Variants in FHIT observed in about 807,000 individuals in gnomAD.
The protein encoded by FHIT is bis(5'-adenosyl)-triphosphatase.
Under a neutral mutation model 17.9 loss-of-function variants are expected in FHIT, and 19 were observed. That is an observed-to-expected ratio of 1.06 (90% CI 0.74 to 1.56). The LOEUF is 1.56. Ranked by LOEUF, FHIT falls within the 40% of genes most tolerant of loss-of-function variation. The pLI, the probability that FHIT is intolerant of heterozygous loss-of-function variation, is 0.00. For synonymous variants in FHIT, 81 were observed against 69.7 expected (o/e 1.16, Z -0.81); for missense variants, 248 against 189.2 (o/e 1.31, Z -1.82).
At chr3:60,072,109 G>A (rs562191553) in intron 5 of FHIT, among the ~76,000 whole-genome samples, 1 of 152,206 alleles carries the variant, frequency 6.6e-6, no homozygotes, top group Non-Finnish European at 1.5e-5. Flanking sequence ...AGGTAGGAAG[G>A]AAAGACAAAG....
At chr3:59,920,926 CAG>C (rs1442246465) in intron 8 of FHIT, among the ~76,000 whole-genome samples, 6 of 152,168 alleles carry the variant, frequency 3.9e-5, no homozygotes, top group Non-Finnish European at 8.8e-5. Context: ...AGTCATGCAT[CAG>C]AGTCTCCTGG....
At chr3:60,070,922 T>A (rs2630195) in intron 5 of FHIT, among the ~76,000 whole-genome samples, 7,581 of 152,308 alleles carry the variant, frequency 0.05, 248 homozygotes, top group South Asian at 0.075. Flanking sequence ...AGGCAGCAAT[T>A]CCTACAGGTC....
At chr3:59,879,042 A>T (rs1703290603) in intron 8 of FHIT, among the ~76,000 whole-genome samples, 1 of 152,182 alleles carries the variant, frequency 6.6e-6, no homozygotes, top group African/African-American at 2.4e-5. Flanking sequence ...GAAAGGGCAC[A>T]TTCTATCCAA....
At chr3:60,131,467 T>G (rs926880717) in intron 5 of FHIT, among the ~76,000 whole-genome samples, 3 of 152,204 alleles carry the variant, frequency 2.0e-5, no homozygotes, top group African/African-American at 7.2e-5. Context: ...AATCTCACAC[T>G]TTCAAGTAAC....
intron 5 of FHIT, among the ~76,000 whole-genome samples, chr3:60,381,751 GTTT>G (rs1240609587): frequency 6.6e-6 from 1 of 150,808 alleles, no homozygotes; most frequent in Admixed American, 6.6e-5. Flanking sequence ...TTCCTTTTTT[GTTT>G]TTTTTCTCCT....
At chr3:60,952,389 T>C (rs561105399) in intron 3 of FHIT, among the ~76,000 whole-genome samples, 1 of 152,278 alleles carries the variant, frequency 6.6e-6, no homozygotes, top group Admixed American at 6.5e-5. Context: ...TGTTCTGGTG[T>C]CTGTGTAGTC....
chr3:59,896,974 G>A (rs1407034114), intron 8 of FHIT, among the ~76,000 whole-genome samples: 1 of 152,164 alleles, frequency 6.6e-6, no homozygotes, highest in African/African-American at 2.4e-5. Context: ...AGCATGTAGA[G>A]TCAAGCAAAG....
intron 5 of FHIT, among the ~76,000 whole-genome samples, chr3:60,399,170 C>A (rs1371511629): frequency 1.3e-5 from 2 of 152,074 alleles, no homozygotes; most frequent in African/African-American, 4.8e-5. Flanking sequence ...TATTTATAAC[C>A]TATAAAAAGT....
At chr3:60,299,172 C>T (rs1471663450) in intron 5 of FHIT, among the ~76,000 whole-genome samples, 1 of 152,086 alleles carries the variant, frequency 6.6e-6, no homozygotes, top group Non-Finnish European at 1.5e-5. Context: ...ATAAACTCCA[C>T]ATTTAATCGT....
At chr3:60,789,156 G>GTATA (rs782494801) in intron 4 of FHIT, among the ~76,000 whole-genome samples, 72 of 131,136 alleles carry the variant, frequency 5.5e-4, no homozygotes, top group East Asian at 2.7e-3. Context: ...GTGTGTGTGT[G>GTATA]TATATATATA....
intron 2 of FHIT, among the ~76,000 whole-genome samples, chr3:61,169,846 C>G (rs1429517501): frequency 6.6e-6 from 1 of 152,060 alleles, no homozygotes; most frequent in Non-Finnish European, 1.5e-5. Context: ...GGATTTATAG[C>G]CAGTGTTAGA....
chr3:60,748,993 C>G (rs1263523711), intron 4 of FHIT, among the ~76,000 whole-genome samples: 1 of 151,984 alleles, frequency 6.6e-6, no homozygotes, highest in Non-Finnish European at 1.5e-5. Flanking sequence ...AATTGAACCT[C>G]AGATATGGAG....
intron 4 of FHIT, among the ~76,000 whole-genome samples, chr3:60,696,746 T>C (rs1258747114): frequency 5.3e-5 from 8 of 152,192 alleles, no homozygotes; most frequent in African/African-American, 9.6e-5. Context: ...CATTGATATC[T>C]ACATGAATAA....
chr3:60,727,741 C>T (rs964775320), intron 4 of FHIT, among the ~76,000 whole-genome samples: 1 of 152,342 alleles, frequency 6.6e-6, no homozygotes, highest in South Asian at 2.1e-4. Context: ...CTGTGGCTCA[C>T]GCCTGTGATC....
intron 5 of FHIT, among the ~76,000 whole-genome samples, chr3:60,535,439 TA>T (rs2035946886): frequency 6.6e-6 from 1 of 152,158 alleles, no homozygotes; most frequent in Non-Finnish European, 1.5e-5. Context: ...CATTTTGCTT[TA>T]AAAAACCCCA....
chr3:60,567,492 C>G (rs891670277), intron 4 of FHIT, among the ~76,000 whole-genome samples: 1 of 152,118 alleles, frequency 6.6e-6, no homozygotes, highest in Non-Finnish European at 1.5e-5. Flanking sequence ...AGACCTAAAA[C>G]CATAAAAACC....
At chr3:60,119,070 T>G (rs1705125870) in intron 5 of FHIT, among the ~76,000 whole-genome samples, 1 of 151,784 alleles carries the variant, frequency 6.6e-6, no homozygotes, top group Non-Finnish European at 1.5e-5. Context: ...TTTCTTCAAT[T>G]TTTAATTTAT....
intron 5 of FHIT, among the ~76,000 whole-genome samples, chr3:60,294,494 T>C (rs1375683512): frequency 6.6e-6 from 1 of 152,198 alleles, no homozygotes; most frequent in Non-Finnish European, 1.5e-5. Flanking sequence ...ACTTTTAGTT[T>C]CTAAACACCA....
chr3:61,228,427 G>A (rs1020439015), intron 1 of FHIT, among the ~76,000 whole-genome samples: 1 of 152,146 alleles, frequency 6.6e-6, no homozygotes, highest in Non-Finnish European at 1.5e-5. Context: ...CCTTTGCCTT[G>A]TCACATCTTC....
Sources: allele counts gnomAD v4.1 joint callset (sites outside exome capture counted in the v4.1 genomes callset), GRCh38; gene constraint gnomAD v4.1.1; transcripts MANE v1.5; gene names NCBI Gene and HGNC (gene_info 2026-07-23, HGNC 2026-07-21).